The following AIG1 variants were observed in gnomAD, a reference collection of about 807,000 sequenced individuals.
AIG1 encodes androgen-induced gene 1 protein.
AIG1 carries 23 observed loss-of-function variants against 31.4 expected under a neutral mutation model. The observed-to-expected ratio is 0.73, with a 90% CI of 0.53 to 1.04. AIG1 has a LOEUF of 1.04. Ranked by LOEUF, AIG1 falls within the 50% of genes least tolerant of loss-of-function variation. The pLI is 0.00. For synonymous variants in AIG1, 100 were observed against 110.5 expected, an observed-to-expected ratio of 0.90 and a Z score of 0.60; for missense variants, 274 against 295.0, an observed-to-expected ratio of 0.93 and a Z score of 0.52.
Position 143,284,160 on chromosome 6 carries a change from T to G in AIG1, c.450T>G (p.His150Gln). The G allele has an allele frequency of 1.9e-6, 3 of 1,614,124 alleles. No individual in the cohort carries two copies. The highest frequency in any genetic ancestry group is 2.5e-6 in the Non-Finnish European group (3 of 1,179,990). Residue 150 changes from histidine to glutamine, a missense_variant, in exon 4 of 6, where the codon CAT becomes CAG. Around this residue, in one of 2 missense-constraint regions of AIG1, gnomAD observed 243 missense variants for 238.5 expected, o/e 1.02. Transcript: ENST00000357847. The surrounding 1 kb of genome is among the most constrained non-coding windows in gnomAD (Gnocchi z 4.4). ...FILIEMRTSHHQYPSRSSGLT... is the reference protein window; with the variant it reads ...FILIEMRTSHQQYPSRSSGLT... ...TAATCGAGATGAGGACATCGCACCA[T>G]CAGTATCCCAGCAGGAGCAGCGGAC...
intron 1 of AIG1, among the ~76,000 whole-genome samples, chr6:143,079,673 T>C (rs932603062): frequency 7.9e-5 from 12 of 152,326 alleles, no homozygotes; most frequent in Non-Finnish European, 1.8e-4. Context: ...ATAACATAAT[T>C]TTTAAGACTG....
intron 3 of AIG1, among the ~76,000 whole-genome samples, chr6:143,194,804 A>G (rs1469023136): frequency 6.6e-6 from 1 of 152,166 alleles, no homozygotes; most frequent in African/African-American, 2.4e-5. Flanking sequence ...GTCCCGCAGC[A>G]GCACCCCAAG....
At chr6:143,131,667 G>C (rs949978819) in intron 1 of AIG1, among the ~76,000 whole-genome samples, 1 of 152,212 alleles carries the variant, frequency 6.6e-6, no homozygotes, top group African/African-American at 2.4e-5. Flanking sequence ...ACGAATCTTA[G>C]TCTCACAATG....
chr6:143,161,894 A>G (rs958411730), intron 2 of AIG1, among the ~76,000 whole-genome samples: 5 of 152,182 alleles, frequency 3.3e-5, no homozygotes, highest in Admixed American at 1.3e-4. Context: ...GATGAAGGCA[A>G]GGATGCTCAC....
intron 2 of AIG1, among the ~76,000 whole-genome samples, chr6:143,161,830 G>T (rs998356764): frequency 6.6e-6 from 1 of 152,070 alleles, no homozygotes; most frequent in African/African-American, 2.4e-5. Context: ...AAAGAAGCCT[G>T]CAGCTAATAT....
At chr6:143,173,435 T>G (rs1240699851) in intron 3 of AIG1, among the ~76,000 whole-genome samples, 2 of 152,190 alleles carry the variant, frequency 1.3e-5, no homozygotes, top group Non-Finnish European at 2.9e-5. Flanking sequence ...GGTTTGGATT[T>G]GGTTTGTTCT....
At chr6:143,145,957 C>A (rs188980359) in intron 2 of AIG1, among the ~76,000 whole-genome samples, 1 of 152,220 alleles carries the variant, frequency 6.6e-6, no homozygotes, top group Non-Finnish European at 1.5e-5. Flanking sequence ...GTATCATAAA[C>A]AACAACTGAA....
intron 3 of AIG1, among the ~76,000 whole-genome samples, chr6:143,218,542 A>G (rs1792210359): frequency 6.6e-6 from 1 of 152,184 alleles, no homozygotes; most frequent in Non-Finnish European, 1.5e-5. Context: ...AGGGTTTGAC[A>G]TATCCCTTTA....
At chr6:143,077,902 T>C (rs1583086340) in intron 1 of AIG1, among the ~76,000 whole-genome samples, 2 of 152,362 alleles carry the variant, frequency 1.3e-5, no homozygotes, top group Admixed American at 1.3e-4. Context: ...TGACTATTCT[T>C]ATATGTCTCT....
chr6:143,290,163 T>C lies in AIG1; in HGVS notation c.515+5938T>C, dbSNP rs572719764. On this transcript the variant is annotated intron_variant, in intron 4 of 5. Transcript: ENST00000357847. ...GTTCTTGCCGCCTCAGAAGAAATAA[T>C]TTGACCAAGGGGCATAAGGCAGAGT... Among the ~76,000 whole-genome samples, 4 of 152,300 alleles carry C rather than the reference T, an allele frequency of 2.6e-5. No individual in the cohort carries two copies. The South Asian group carries it at 8.3e-4, about 32-fold the overall frequency.
intron 3 of AIG1, among the ~76,000 whole-genome samples, chr6:143,223,739 A>G (rs375085099): frequency 4.6e-5 from 7 of 152,242 alleles, no homozygotes; most frequent in Non-Finnish European, 1.0e-4. Context: ...AAGTTCCTCT[A>G]TGATGAAAAG....
At chr6:143,178,415 A>G (rs1367508348) in intron 3 of AIG1, among the ~76,000 whole-genome samples, 1 of 152,154 alleles carries the variant, frequency 6.6e-6, no homozygotes, top group African/African-American at 2.4e-5. Flanking sequence ...CTATGGAACA[A>G]TGCAATCACA....
intron 4 of AIG1, among the ~76,000 whole-genome samples, chr6:143,317,648 TA>T: frequency 6.6e-6 from 1 of 152,042 alleles, no homozygotes; most frequent in South Asian, 2.1e-4. Flanking sequence ...CTGGAAGTCC[TA>T]GCAAGAGCAA....
chr6:143,190,549 A>G (rs567168752), intron 3 of AIG1: 1 of 985,246 alleles, frequency 1.0e-6, no homozygotes, highest in Non-Finnish European at 1.2e-6. Flanking sequence ...ATCATATGAG[A>G]TTATTTTTGT....
chr6:143,089,009 G>A (rs978276161), intron 1 of AIG1, among the ~76,000 whole-genome samples: 34 of 152,048 alleles, frequency 2.2e-4, no homozygotes, highest in African/African-American at 7.7e-4. Context: ...TCAGGAGTTC[G>A]AAACTAGCCT....
chr6:143,068,080 C>A (rs1436232277), intron 1 of AIG1, among the ~76,000 whole-genome samples: 1 of 152,098 alleles, frequency 6.6e-6, no homozygotes, highest in Non-Finnish European at 1.5e-5. Context: ...TCACCCATTC[C>A]CTCTTAGTTG....
rs143886844 is a variant in AIG1 at position 143,330,483 on chromosome 6, C to G, written c.516-2799C>G. ...GGAGGCAGAGAGAGCTTAGAGTGTT[C>G]GAGGAACACCAAGGAGTTGATGGGC... On this transcript the variant is annotated intron_variant, in intron 4 of 5. Coordinates refer to ENST00000357847, the MANE Select transcript of AIG1 (RefSeq NM_016108.4). The surrounding 1 kb of genome is among the most constrained non-coding windows in gnomAD (Gnocchi z 4.4). Among the ~76,000 whole-genome samples the G allele has an allele frequency of 6.6e-3, 1,003 of 152,046 alleles. 8 individuals are homozygous for G. The highest frequency in any genetic ancestry group is 0.011 in the Non-Finnish European group (742 of 67,974).
At chr6:143,084,614 C>A (rs1778596257) in intron 1 of AIG1, among the ~76,000 whole-genome samples, 1 of 152,158 alleles carries the variant, frequency 6.6e-6, no homozygotes. Context: ...CTAATGTCTG[C>A]AGCTGACTGA....
intron 3 of AIG1, among the ~76,000 whole-genome samples, chr6:143,174,783 T>C (rs1787978762): frequency 6.6e-6 from 1 of 152,242 alleles, no homozygotes; most frequent in Non-Finnish European, 1.5e-5. Context: ...GTCTTTTAAG[T>C]AGAGGATTTA....
Sources: gnomAD v4.1 joint callset for allele counts (sites outside exome capture counted in the v4.1 genomes callset) on GRCh38, gnomAD v4.1.1 for gene constraint, gnomAD v4.1.1 regional missense constraint, Gnocchi (gnomAD v3.1) non-coding constraint, MANE v1.5 for transcripts, NCBI Gene and HGNC (gene_info 2026-07-23, HGNC 2026-07-21) for gene names.